The following SOX30 variants were observed in gnomAD, a reference collection of about 807,000 sequenced individuals.
SOX30 encodes the protein SRY-box transcription factor 30, also known as transcription factor SOX-30.
Under a neutral mutation model 58.6 loss-of-function variants are expected in SOX30, and 17 were observed. The observed-to-expected ratio is 0.29, with a 90% CI of 0.20 to 0.44. The LOEUF (loss-of-function observed/expected upper bound fraction) is 0.44. SOX30 is among the 20% of genes least tolerant of loss of function. SOX30 has a pLI of 1.00. For missense variants in SOX30, 951 were observed against 965.8 expected (o/e 0.98, Z 0.20); for synonymous variants, 421 against 400.2 (o/e 1.05, Z -0.62).
At chr5:157,631,957 C>A (rs1043266385) in intron 4 of SOX30, among the ~76,000 whole-genome samples, 1 of 136,982 alleles carries the variant, frequency 7.3e-6, no homozygotes, top group Non-Finnish European at 1.5e-5. Flanking sequence ...AAAGAAGGAT[C>A]ACTTAGGCCC....
At position 157,651,121 on chromosome 5, in the gene SOX30, A is replaced by G. The variant is rs1302717710; in HGVS notation, c.958T>C (p.Ser320Pro). Residue 320 changes from serine to proline, a missense_variant, in exon 1 of 5, where the codon TCA becomes CCA. This residue lies in a region of SOX30 where 60 missense variants were observed against 74.0 expected (regional missense o/e 0.81). Transcript: ENST00000265007. ...TKDVPLTVLP[S>P]DAGIPDTPFS... ...CCCTGCTGTCTAATACCTGCATCTG[A>G]GGGCAACACGGTGAGCGGGACATCT... 1 of 1,538,210 alleles carries G rather than the reference A, an allele frequency of 6.5e-7. No homozygotes were observed. The highest frequency in any genetic ancestry group is 8.8e-7 in the Non-Finnish European group (1 of 1,142,790).
intron 3 of SOX30, among the ~76,000 whole-genome samples, chr5:157,642,041 T>G (rs1165923382): frequency 3.9e-5 from 6 of 152,026 alleles, no homozygotes; most frequent in Admixed American, 2.6e-4. Flanking sequence ...GAGGGCCGGG[T>G]GCAGTGGCTC....
rs573680229 is a variant in SOX30, at chr5:157,632,559, G to A, written c.1880+5671C>T. Among the ~76,000 whole-genome samples the A allele has an allele frequency of 2.6e-5, 4 of 152,024 alleles. No individual in the cohort carries two copies. In the East Asian group the frequency reaches 7.8e-4, roughly 30 times the overall value. The stretch of plus-strand genomic sequence containing the variant: ...AACCCTGGAGGCAGTGCAGTGAGCC[G>A]AGATCGTGGCATTACACTCCAGCCT... On this transcript the variant is annotated intron_variant, in intron 4 of 4. Coordinates refer to ENST00000265007, the MANE Select transcript of SOX30 (RefSeq NM_178424.2).
At chr5:157,662,614 C>G (rs568727246) in intron 2 of SOX30, among the ~76,000 whole-genome samples, 1 of 152,146 alleles carries the variant, frequency 6.6e-6, no homozygotes, top group Non-Finnish European at 1.5e-5. Context: ...AAGCCTCCCC[C>G]ACAAAAATCT....
upstream of SOX30, among the ~76,000 whole-genome samples, chr5:157,655,594 G>GA (rs1201910986): frequency 1.3e-5 from 2 of 152,284 alleles, no homozygotes; most frequent in Middle Eastern, 6.8e-3. Flanking sequence ...CCGTAAAGGG[G>GA]AAACTTGAGA....
At chr5:157,644,330 CA>C (rs1759140059) in intron 3 of SOX30, among the ~76,000 whole-genome samples, 1 of 152,026 alleles carries the variant, frequency 6.6e-6, no homozygotes, top group Non-Finnish European at 1.5e-5. Flanking sequence ...TTGTAAAAAA[CA>C]AAACAAAAAA....
upstream of SOX30, among the ~76,000 whole-genome samples, chr5:157,656,393 T>C (rs1759473240): frequency 6.6e-6 from 1 of 152,240 alleles, no homozygotes; most frequent in African/African-American, 2.4e-5. Flanking sequence ...ATATTAGGTT[T>C]GCTAAATGCT....
chr5:157,658,427 A>G (rs576091421), intron 2 of SOX30, among the ~76,000 whole-genome samples: 1 of 152,214 alleles, frequency 6.6e-6, no homozygotes, highest in African/African-American at 2.4e-5. Context: ...CCTCTGAACC[A>G]ACTAGTGACA....
At chr5:157,630,008 G>C (rs780738800) in intron 4 of SOX30, among the ~76,000 whole-genome samples, 1 of 152,122 alleles carries the variant, frequency 6.6e-6, no homozygotes, top group Non-Finnish European at 1.5e-5. Context: ...TGTCTGTTCT[G>C]TCAACCTAAA....
chr5:157,636,602 T>C (rs1275330480), intron 4 of SOX30, among the ~76,000 whole-genome samples: 1 of 152,204 alleles, frequency 6.6e-6, no homozygotes, highest in Non-Finnish European at 1.5e-5. Context: ...TCTAATCCTC[T>C]GGTCCCACTT....
chr5:157,638,802 T>C, intron 3 of SOX30, 80 bp from the exon 4 acceptor site: 1 of 1,437,842 alleles, frequency 7.0e-7, no homozygotes, highest in Admixed American at 2.2e-5. Flanking sequence ...GTTTAATAAA[T>C]TGTATAAGCA....
At chr5:157,649,705 G>T (rs1305488125) in intron 1 of SOX30, among the ~76,000 whole-genome samples, 1 of 152,114 alleles carries the variant, frequency 6.6e-6, no homozygotes, top group Non-Finnish European at 1.5e-5. Flanking sequence ...CAGGAGAATC[G>T]CTTGAACCCA....
At chr5:157,648,556 A>G (rs902663722) in intron 2 of SOX30, 101 bp downstream of exon 2, 95 of 1,124,908 alleles carry the variant, frequency 8.4e-5, no homozygotes, top group Non-Finnish European at 1.2e-4. Flanking sequence ...TACATATCAG[A>G]AAAAAATTAT....
intron 2 of SOX30, chr5:157,667,783 C>CACACACAT: frequency 6.5e-7 from 1 of 1,535,056 alleles, no homozygotes; most frequent in Middle Eastern, 1.7e-4. Flanking sequence ...CACACACACA[C>CACACACAT]ACACACATAC....
intron 3 of SOX30, among the ~76,000 whole-genome samples, chr5:157,645,202 A>T (rs1471572407): frequency 6.6e-6 from 1 of 152,102 alleles, no homozygotes; most frequent in African/African-American, 2.4e-5. Flanking sequence ...TGCTAAAATG[A>T]TACATTAAAA....
rs934659812 is a variant in SOX30, at chr5:157,626,546, G to A, written c.2056C>T (p.Arg686Trp). ...SSECTHSENS[R>W]SCENMNGTSY... ...GTTCCATTCATGTTCTCACAACTCCGAGAATTTTCACTGTGTGTGCATTCA... is the reference window on the plus strand; with the variant it reads ...GTTCCATTCATGTTCTCACAACTCCAAGAATTTTCACTGTGTGTGCATTCA... Residue 686 changes from arginine (R) to tryptophan (W), a missense_variant, in exon 5 of 5, where the codon CGG becomes TGG. Coordinates refer to ENST00000265007, the MANE Select transcript of SOX30 (RefSeq NM_178424.2). 7.4e-6 allele frequency: 12 copies of A among 1,614,066 alleles called. No individual in the cohort carries two copies. Among genetic ancestry groups the A allele is most frequent in the Middle Eastern group, 1.6e-4 (1 of 6,062 alleles).
At position 157,652,434 on chromosome 5, in the gene SOX30, A is replaced by G. The variant is rs1271265792; in HGVS notation, c.-356T>C. Reference sequence around the variant, plus strand: ...CATCCCTCCCCCACCCGGAGCTGCGACAATGGCGTTGCCCAGGAAACGTTG... The same window carrying G: ...CATCCCTCCCCCACCCGGAGCTGCGGCAATGGCGTTGCCCAGGAAACGTTG... On this transcript the variant is annotated 5_prime_UTR_variant, in exon 1 of 5. Transcript: ENST00000265007. The G allele has an allele frequency of 8.9e-6, 9 of 1,014,728 alleles. No homozygotes were observed. The highest frequency in any genetic ancestry group is 5.8e-5 in the Admixed American group (1 of 17,322). 62.9% of individuals were successfully genotyped at this position (1,014,728 alleles called of 1,614,324 possible).
intron 3 of SOX30, among the ~76,000 whole-genome samples, chr5:157,644,226 C>T (rs963056129): frequency 1.3e-5 from 2 of 152,142 alleles, no homozygotes; most frequent in African/African-American, 2.4e-5. Flanking sequence ...AACTCCTAGG[C>T]TCCCAAAGCA....
At chr5:157,646,019 C>CAAA (rs11441809) in intron 3 of SOX30, among the ~76,000 whole-genome samples, 58 of 139,340 alleles carry the variant, frequency 4.2e-4, no homozygotes, top group East Asian at 8.7e-4. Flanking sequence ...AACTCCATCT[C>CAAA]AAAAAAAAAA....
Sources: gnomAD v4.1 joint callset for allele counts (sites outside exome capture counted in the v4.1 genomes callset) on GRCh38, gnomAD v4.1.1 for gene constraint, gnomAD v4.1.1 regional missense constraint, MANE v1.5 for transcripts, NCBI Gene and HGNC (gene_info 2026-07-23, HGNC 2026-07-21) for gene names.